The following SBNO2 variants were observed in gnomAD, a reference collection of about 807,000 sequenced individuals.
SBNO2 encodes strawberry notch homolog 2, also known as protein strawberry notch homolog 2.
A neutral mutation model predicts 146.3 loss-of-function variants in SBNO2; 89 were observed. The observed-to-expected ratio is 0.61, with a 90% confidence interval of 0.51 to 0.73. SBNO2 has a LOEUF of 0.73. SBNO2 is among the 30% of genes least tolerant of loss of function. SBNO2 has a pLI of 0.00. For synonymous variants in SBNO2, 1,147 were observed against 892.6 expected (o/e 1.29, Z -5.08); for missense variants, 2,092 against 2,003.7 (o/e 1.04, Z -0.84).
intron 17 of SBNO2, 125 bp downstream of exon 17, chr19:1,115,896 A>C: frequency 1.3e-6 from 1 of 792,550 alleles, no homozygotes; most frequent in Non-Finnish European, 2.1e-6. Context: ...CCTGCCTGGC[A>C]CGGACAGGAC....
chr19:1,127,634 G>T lies in SBNO2; in HGVS notation c.411C>A (p.Asp137Glu), dbSNP rs376971525. 5 of 1,613,198 alleles carry T rather than the reference G, an allele frequency of 3.1e-6. No homozygotes were observed. Among genetic ancestry groups the T allele is most frequent in the Non-Finnish European group, 4.2e-6 (5 of 1,179,886 alleles). ...CGTGGGTGGAGGGGGCAGGGTTATC[G>T]TCCCAGATGGTGGACACCTGGTTGA... ...DSLNQVSTIW[D>E]DNPAPSTHDK... is the part of the protein sequence containing the mutation. Residue 137 changes from aspartate to glutamate, a missense_variant, in exon 5 of 32, where the codon GAC becomes GAA. Transcript: ENST00000361757.
intron 4 of SBNO2, among the ~76,000 whole-genome samples, chr19:1,134,282 C>T (rs1338586695): frequency 2.1e-5 from 3 of 145,482 alleles, no homozygotes; most frequent in African/African-American, 5.1e-5. Flanking sequence ...CCACAGCTCA[C>T]GGGTGGACTC....
At chr19:1,123,451 G>A in intron 7 of SBNO2, 83 bp downstream of exon 7, 3 of 1,139,830 alleles carry the variant, frequency 2.6e-6, no homozygotes, top group South Asian at 1.3e-5. Context: ...TGTGGGCTGT[G>A]CGGGCGGTGG....
At chr19:1,141,099 G>A (rs139277882) in intron 4 of SBNO2, among the ~76,000 whole-genome samples, 2,230 of 148,554 alleles carry the variant, frequency 0.015, 28 homozygotes, top group Non-Finnish European at 0.022. Flanking sequence ...GAGAAGACGC[G>A]CCCCGGAGAA....
intron 4 of SBNO2, 75 bp downstream of exon 4, chr19:1,147,234 G>T (rs2080198994): frequency 9.8e-7 from 1 of 1,017,088 alleles, no homozygotes; most frequent in Non-Finnish European, 1.5e-6. Context: ...AGCGAGAGAG[G>T]TCGCAGGGCA....
At chr19:1,166,907 T>C (rs2080431476) in intron 1 of SBNO2, among the ~76,000 whole-genome samples, 1 of 152,156 alleles carries the variant, frequency 6.6e-6, no homozygotes, top group Non-Finnish European at 1.5e-5. Context: ...ACCTGGCTCC[T>C]TGGGGAGTGC....
rs375523666 is a variant in SBNO2 at position 1,122,480 on chromosome 19, G to A, written c.993C>T (p.His331=). The A allele has an allele frequency of 6.3e-5, 99 of 1,572,574 alleles. No individual in the cohort carries two copies. Among genetic ancestry groups the A allele is most frequent in the South Asian group, 4.2e-4 (36 of 86,122 alleles). The change falls in exon 10 of 32, where the codon CAC becomes CAT. Residue 331 remains histidine (H), a synonymous_variant. Coordinates refer to ENST00000361757, the MANE Select transcript of SBNO2 (RefSeq NM_014963.3). ...GCACAGCCCCTACCTTGCTGAGCGC[G>A]TGCACCGCGATGCCCGTGGCTTCGA... ...RDIEATGIAV[H]ALSKIKYGDT...
chr19:1,163,741 G>A (rs899388393), intron 1 of SBNO2, among the ~76,000 whole-genome samples: 11 of 152,192 alleles, frequency 7.2e-5, no homozygotes, highest in East Asian at 1.9e-4. Flanking sequence ...GCCCAGCACC[G>A]CCTGACATTT....
chr19:1,145,366 G>A (rs569769637), intron 4 of SBNO2, among the ~76,000 whole-genome samples: 8 of 151,300 alleles, frequency 5.3e-5, no homozygotes, highest in African/African-American at 1.5e-4. Context: ...TCAGCTGCTC[G>A]GGAGGCTGAG....
At chr19:1,128,968 C>CAAAAA (rs55815908) in intron 4 of SBNO2, among the ~76,000 whole-genome samples, 1 of 140,154 alleles carries the variant, frequency 7.1e-6, no homozygotes, top group Non-Finnish European at 1.6e-5. Flanking sequence ...GACTCTGTCT[C>CAAAAA]AAAAAAAAAA....
intron 1 of SBNO2, among the ~76,000 whole-genome samples, chr19:1,170,803 C>T (rs1053145185): frequency 6.6e-6 from 1 of 151,500 alleles, no homozygotes; most frequent in African/African-American, 2.4e-5. Flanking sequence ...ACACAACATG[C>T]ACACAAAGTA....
intron 4 of SBNO2, among the ~76,000 whole-genome samples, chr19:1,134,436 C>G (rs1323408779): frequency 1.3e-5 from 2 of 148,160 alleles, no homozygotes; most frequent in Admixed American, 1.3e-4. Context: ...GTGAGGCCGT[C>G]CACACACTGG....
At chr19:1,149,983 C>T (rs919919498) in intron 2 of SBNO2, among the ~76,000 whole-genome samples, 25 of 152,260 alleles carry the variant, frequency 1.6e-4, no homozygotes, top group African/African-American at 5.8e-4. Flanking sequence ...TGCTGCGGGA[C>T]GGGGCCCTGA....
chr19:1,122,288 G>T lies in SBNO2; in HGVS notation c.1006-6C>A. On this transcript the variant is annotated splice_region_variant and splice_polypyrimidine_tract_variant and intron_variant, in intron 10 of 31. Coordinates refer to ENST00000361757, the MANE Select transcript of SBNO2 (RefSeq NM_014963.3). ...GTGGTGTCACCGTACTTGATCTGGG[G>T]ATGCACAGAACAGGTGTGGAATGGG... 6.4e-7 allele frequency: 1 copy of T among 1,556,890 alleles called. No homozygotes were observed. The highest frequency in any genetic ancestry group is 8.7e-7 in the Non-Finnish European group (1 of 1,149,614).
At chr19:1,134,506 C>G (rs1420394193) in intron 4 of SBNO2, among the ~76,000 whole-genome samples, 1 of 144,384 alleles carries the variant, frequency 6.9e-6, no homozygotes, top group Non-Finnish European at 1.5e-5. Flanking sequence ...ACGGATGCAC[C>G]TTGAGGACCT....
At chr19:1,145,788 G>A (rs2080184311) in intron 4 of SBNO2, among the ~76,000 whole-genome samples, 1 of 152,114 alleles carries the variant, frequency 6.6e-6, no homozygotes, top group South Asian at 2.1e-4. Flanking sequence ...AGATCACATG[G>A]GGGTCCAGGG....
In SBNO2 at chr19:1,144,140, C is replaced by T. The variant is rs1016078512; in HGVS notation, c.279+3169G>A. On this transcript the variant is annotated intron_variant, in intron 4 of 31. Coordinates refer to ENST00000361757, the MANE Select transcript of SBNO2 (RefSeq NM_014963.3). The surrounding 1 kb of genome is among the most constrained non-coding windows in gnomAD (Gnocchi z 4.1). ...CAGGCCTGGGCTGACTCATACCCGTCCCGTCCCACACTTGGCACCGCGGGA... is the reference window on the plus strand; with the variant it reads ...CAGGCCTGGGCTGACTCATACCCGTTCCGTCCCACACTTGGCACCGCGGGA... Among the ~76,000 whole-genome samples, 1 of 151,730 alleles carries T rather than the reference C, an allele frequency of 6.6e-6. No individual in the cohort carries two copies. Among genetic ancestry groups the T allele is most frequent in the African/African-American group, 2.4e-5 (1 of 41,274 alleles).
In SBNO2 at chr19:1,108,295, C is replaced by T. The variant is rs975802463; in HGVS notation, c.4026G>A (p.Ala1342=). 1.3e-5 allele frequency: 19 copies of T among 1,492,412 alleles called. No homozygotes were observed. Among genetic ancestry groups the T allele is most frequent in the Admixed American group, 6.4e-5 (3 of 46,702 alleles). 92.4% of individuals were successfully genotyped at this position (1,492,412 alleles called of 1,614,324 possible). The part of the protein sequence containing the change: ...ALGEGAGAGG[A]AGGGPERQSV... The stretch of plus-strand genomic sequence containing the variant: ...TCTGCCGCTCGGGACCACCGCCCGC[C>T]GCGCCCCCCGCCCCCGCGCCCTCCC... Residue 1342 remains alanine, a synonymous_variant, in exon 32 of 32, where the codon GCG becomes GCA. Transcript: ENST00000361757.
rs113591559 is a variant in SBNO2 at position 1,158,635 on chromosome 19, C to T, written c.-126-4233G>A. On this transcript the variant is annotated intron_variant, in intron 1 of 31. Coordinates refer to ENST00000361757, the MANE Select transcript of SBNO2 (RefSeq NM_014963.3). The surrounding 1 kb of genome is among the most constrained non-coding windows in gnomAD (Gnocchi z 9.9). Reference sequence around the variant, plus strand: ...GGTCTGAGGAGGAGGCGGCGAGGCCCGGGCGAGCGGGCGCGACCGTGGTGA... The same window carrying T: ...GGTCTGAGGAGGAGGCGGCGAGGCCTGGGCGAGCGGGCGCGACCGTGGTGA... Among the ~76,000 whole-genome samples, 88 of 152,174 alleles carry T rather than the reference C, an allele frequency of 5.8e-4. No homozygotes were observed. The highest frequency in any genetic ancestry group is 9.7e-4 in the Non-Finnish European group (66 of 68,024).
Sources: gnomAD v4.1 joint callset for allele counts (sites outside exome capture counted in the v4.1 genomes callset) on GRCh38, gnomAD v4.1.1 for gene constraint, Gnocchi (gnomAD v3.1) non-coding constraint, MANE v1.5 for transcripts, NCBI Gene and HGNC (gene_info 2026-07-23, HGNC 2026-07-21) for gene names.